DNAH5: variants seen among roughly 807,000 people sequenced by gnomAD.
The protein encoded by DNAH5 is axonemal beta dynein heavy chain 5.
A neutral mutation model predicts 518.2 loss-of-function variants in DNAH5; 372 were observed. The observed-to-expected ratio is 0.72, with a 90% CI of 0.66 to 0.78. The LOEUF (loss-of-function observed/expected upper bound fraction) is 0.78, where lower values mean the gene tolerates loss of function less well. DNAH5 is among the 30% of genes least tolerant of loss of function. DNAH5 has a pLI of 0.00. For synonymous variants in DNAH5, 2,039 were observed against 2,025.9 expected, an observed-to-expected ratio of 1.01 and a Z score of -0.17; for missense variants, 5,523 against 5,687.0, an observed-to-expected ratio of 0.97 and a Z score of 0.93.
chr5:13,755,976 C>T (rs752324889), intron 61 of DNAH5, among the ~76,000 whole-genome samples: 15 of 152,118 alleles, frequency 9.9e-5, no homozygotes, highest in South Asian at 2.1e-4. Flanking sequence ...GAAAGAAAGC[C>T]GTAAGTTCCG....
rs1050920915 is a variant in DNAH5 at position 13,720,226 on chromosome 5, G to T, written c.12279+774C>A. ...ATTTTCTTCAGAAATTTACAGTACT[G>T]CTGAATAAGTTATCTAAACATTACC... On this transcript the variant is annotated intron_variant, in intron 71 of 78. Transcript: ENST00000265104. Among the ~76,000 whole-genome samples, 4 of 152,012 alleles carry T rather than the reference G, an allele frequency of 2.6e-5. No individual in the cohort carries two copies. The South Asian group carries it at 8.3e-4, about 32-fold the overall frequency.
rs370697884 is a variant in DNAH5 at position 13,882,742 on chromosome 5, T to A, written c.3248A>T (p.Glu1083Val). The A allele has an allele frequency of 1.0e-4, 162 of 1,613,274 alleles. No homozygotes were observed. The highest frequency in any genetic ancestry group is 1.3e-4 in the Admixed American group (8 of 60,008). The change falls in exon 21 of 79, where the codon GAA becomes GTA. Residue 1083 changes from glutamate to valine, a missense_variant. By Grantham distance (121) the Glu-to-Val change is moderately radical. Transcript: ENST00000265104. ...AGAACATTTACCTTGAAGTTCATTT[T>A]CTCCCATTTCAACATCAGAATCACT... The part of the protein sequence containing the change: ...EDSDSDVEMG[E>V]NELQDTLEIA...
At chr5:13,911,314 G>T in intron 12 of DNAH5, 72 bp downstream of exon 12, 1 of 1,178,760 alleles carries the variant, frequency 8.5e-7, no homozygotes, top group South Asian at 1.2e-5. Flanking sequence ...ATTGGGTAAT[G>T]ATTAACGGCA....
chr5:13,781,206 A>G lies in DNAH5; in HGVS notation c.8821-247T>C, dbSNP rs116407267. Among the ~76,000 whole-genome samples the G allele has an allele frequency of 1.8e-3, 271 of 152,212 alleles. 1 individual carries two copies. Among genetic ancestry groups the G allele is most frequent in the African/African-American group, 6.3e-3 (263 of 41,524 alleles). On this transcript the variant is annotated intron_variant, in intron 52 of 78. Coordinates refer to ENST00000265104, the MANE Select transcript of DNAH5 (RefSeq NM_001369.3). ...AAGTAGGAGGACACCAGGGCAGAAA[A>G]GTCAACACACAGCCGAGACCGTGCT...
rs763401841 is a variant in DNAH5, at chr5:13,793,519, G to A, written c.8220C>T (p.Ile2740=). 5 of 1,611,884 alleles carry A rather than the reference G, an allele frequency of 3.1e-6. No homozygotes were observed. In the South Asian group the frequency reaches 5.5e-5, roughly 18 times the overall value. Residue 2740 remains isoleucine (I), a synonymous_variant, in exon 49 of 79, where the codon ATC becomes ATT. Coordinates refer to ENST00000265104, the MANE Select transcript of DNAH5 (RefSeq NM_001369.3). Reference sequence around the variant, plus strand: ...CCACATCCTCTTGATCTTTACCAAAGATCTTGTCCACAGAAGCTTCAGAGG... The same window carrying A: ...CCACATCCTCTTGATCTTTACCAAAAATCTTGTCCACAGAAGCTTCAGAGG... ...TLPSEASVDK[I]FGVIGVGHYC...
Position 13,753,270 on chromosome 5 carries a change from A to G in DNAH5, c.10835T>C (p.Ile3612Thr). 1 of 1,613,996 alleles carries G rather than the reference A, an allele frequency of 6.2e-7. No individual in the cohort carries two copies. The highest frequency in any genetic ancestry group is 8.5e-7 in the Non-Finnish European group (1 of 1,179,918). Residue 3612 changes from isoleucine (I) to threonine (T), a missense_variant, in exon 63 of 79, where the codon ATC (isoleucine) becomes ACC (threonine). By Grantham distance (89) the Ile-to-Thr change is moderately conservative. Transcript: ENST00000265104. ...TCGGCTTTCTTTATTTTTAATCCAG[A>G]TCTTGCCTTGAGTCTGTGGATCAAT... Reference protein sequence around the residue: ...LLIDPQTQGKIWIKNKESRNE... With the variant: ...LLIDPQTQGKTWIKNKESRNE...
intron 40 of DNAH5, among the ~76,000 whole-genome samples, chr5:13,822,787 C>T (rs1024318657): frequency 1.2e-4 from 18 of 152,032 alleles, no homozygotes; most frequent in African/African-American, 3.9e-4. Context: ...GGTGGGTTCC[C>T]CCACCCTACC....
intron 22 of DNAH5, among the ~76,000 whole-genome samples, chr5:13,875,465 C>CAAAAA (rs70964513): frequency 4.7e-5 from 5 of 105,982 alleles, no homozygotes; most frequent in South Asian, 3.5e-4. Flanking sequence ...GAAACTCCTT[C>CAAAAA]AAAAAAAAAA....
At chr5:13,980,743 G>T (rs544681434) in intron 1 of DNAH5, among the ~76,000 whole-genome samples, 2 of 152,062 alleles carry the variant, frequency 1.3e-5, no homozygotes, top group Non-Finnish European at 2.9e-5. Context: ...TGAGAATGGA[G>T]GTCAGTTCAT....
chr5:13,807,751 A>T (rs1451109313), intron 46 of DNAH5, 26 bp from the exon 47 acceptor site: 4 of 1,584,646 alleles, frequency 2.5e-6, no homozygotes, highest in African/African-American at 1.3e-5. Context: ...TTGAAAAAAA[A>T]AGAAATGAAA....
intron 1 of DNAH5, among the ~76,000 whole-genome samples, chr5:13,934,876 C>A (rs1259599038): frequency 1.3e-5 from 2 of 152,184 alleles, no homozygotes; most frequent in Non-Finnish European, 2.9e-5. Context: ...ATTCCATAGA[C>A]ATCAAATAAA....
intron 1 of DNAH5, among the ~76,000 whole-genome samples, chr5:14,000,340 C>T (rs1244985458): frequency 1.3e-5 from 2 of 152,216 alleles, no homozygotes; most frequent in Non-Finnish European, 2.9e-5. Context: ...AAAAAGCCTT[C>T]GGAGTGAGCA....
chr5:13,793,626 C>A lies in DNAH5; in HGVS notation c.8113G>T (p.Ala2705Ser). 6.2e-7 allele frequency: 1 copy of A among 1,614,128 alleles called. No homozygotes were observed. Among genetic ancestry groups the A allele is most frequent in the Non-Finnish European group, 8.5e-7 (1 of 1,180,010 alleles). ...CGTCCACCACCAGGATGGATCATGG[C>A]TGCCAAAAACTGGATGTCCACGATG... ...TSIVDIQFLA[A>S]MIHPGGGRND... Residue 2705 changes from alanine to serine, a missense_variant, in exon 49 of 79, where the codon GCC (alanine) becomes TCC (serine). Ala to Ser is a moderately conservative substitution (Grantham distance 99, BLOSUM62 1). This residue lies in a region of DNAH5 where 5,121 missense variants were observed against 5,223.3 expected (regional missense o/e 0.98). Transcript: ENST00000265104.
chr5:13,693,364 G>C (rs954397309), intron 78 of DNAH5, among the ~76,000 whole-genome samples: 1 of 152,096 alleles, frequency 6.6e-6, no homozygotes, highest in Non-Finnish European at 1.5e-5. Flanking sequence ...CAAAAGCAAG[G>C]CACTATCAGA....
At chr5:13,843,224 T>C (rs934790645) in intron 32 of DNAH5, among the ~76,000 whole-genome samples, 3 of 152,204 alleles carry the variant, frequency 2.0e-5, no homozygotes, top group Admixed American at 1.3e-4. Flanking sequence ...GATTTTGCAA[T>C]GGCTTCTTAC....
chr5:13,908,024 C>T (rs1775545671), intron 12 of DNAH5, among the ~76,000 whole-genome samples: 1 of 152,084 alleles, frequency 6.6e-6, no homozygotes, highest in African/African-American at 2.4e-5. Context: ...TCCAGACCAC[C>T]ACAGGAGATA....
intron 42 of DNAH5, among the ~76,000 whole-genome samples, chr5:13,815,854 C>G (rs994048549): frequency 6.6e-6 from 1 of 152,040 alleles, no homozygotes; most frequent in Non-Finnish European, 1.5e-5. Context: ...TGAAAGTCAC[C>G]AGTTCAGAGA....
intron 12 of DNAH5, among the ~76,000 whole-genome samples, chr5:13,910,598 G>A (rs1429114060): frequency 3.3e-5 from 5 of 152,160 alleles, no homozygotes; most frequent in Non-Finnish European, 1.5e-5. Context: ...ATGAGAAAAT[G>A]TCCCCATATT....
chr5:13,900,434 A>T (rs779603409), intron 14 of DNAH5, 22 bp from the exon 15 acceptor site: 1 of 1,594,644 alleles, frequency 6.3e-7, no homozygotes, highest in South Asian at 1.1e-5. Context: ...AACCAACATC[A>T]TTACTATCAG....
Sources: gnomAD v4.1 joint callset for allele counts (sites outside exome capture counted in the v4.1 genomes callset) on GRCh38, gnomAD v4.1.1 for gene constraint, gnomAD v4.1.1 regional missense constraint, MANE v1.5 for transcripts, NCBI Gene and HGNC (gene_info 2026-07-23, HGNC 2026-07-21) for gene names.